STK32B: variants seen among roughly 807,000 people sequenced by gnomAD.
STK32B encodes serine/threonine-protein kinase 32B.
STK32B carries 43 observed loss-of-function variants against 52.6 expected under a neutral mutation model. The observed-to-expected ratio is 0.82, with a 90% CI of 0.64 to 1.05. The LOEUF is 1.05. Among genes scored for constraint, STK32B ranks in the 50% least tolerant of loss-of-function variants. The pLI is 0.00. For missense variants in STK32B, 621 were observed against 534.6 expected, an observed-to-expected ratio of 1.16 and a Z score of -1.59; for synonymous variants, 238 against 204.3, an observed-to-expected ratio of 1.17 and a Z score of -1.41.
At chr4:5,317,355 T>TATAAC (rs1731123522) in intron 3 of STK32B, among the ~76,000 whole-genome samples, 1 of 41,022 alleles carries the variant, frequency 2.4e-5, no homozygotes, top group African/African-American at 1.5e-4. Context: ...ATATATAATA[T>TATAAC]ATATAATGTA....
chr4:5,137,078 C>A (rs184076926), intron 1 of STK32B, among the ~76,000 whole-genome samples: 1 of 152,140 alleles, frequency 6.6e-6, no homozygotes, highest in Non-Finnish European at 1.5e-5. Context: ...ACCATTTATT[C>A]AGTAATTAAC....
intron 6 of STK32B, among the ~76,000 whole-genome samples, chr4:5,439,034 G>C (rs1385930792): frequency 6.6e-6 from 1 of 151,098 alleles, no homozygotes; most frequent in East Asian, 1.9e-4. Flanking sequence ...CCAAGTCTTT[G>C]CTATTGTGAA....
At position 5,395,296 on chromosome 4, in the gene STK32B, C is replaced by A. The variant is rs990074929; in HGVS notation, c.435-2911C>A. ...TGAATTAAGGGGGTGACACCCATCA[C>A]CTTTGTCAGCTTCCATGGCTAGGAC... On this transcript the variant is annotated intron_variant, in intron 4 of 11. Transcript: ENST00000282908. The surrounding 1 kb of genome is among the most constrained non-coding windows in gnomAD (Gnocchi z 4.4). Among the ~76,000 whole-genome samples, 1 of 152,220 alleles carries A rather than the reference C, an allele frequency of 6.6e-6. No homozygotes were observed. The highest frequency in any genetic ancestry group is 1.5e-5 in the Non-Finnish European group (1 of 68,042).
At chr4:5,296,909 C>G (rs1729239892) in intron 3 of STK32B, among the ~76,000 whole-genome samples, 1 of 152,114 alleles carries the variant, frequency 6.6e-6, no homozygotes, top group Non-Finnish European at 1.5e-5. Context: ...TTTGCAGTGG[C>G]TGGTACCTGT....
At chr4:5,054,085 G>A (rs77513956) in intron 1 of STK32B, among the ~76,000 whole-genome samples, 4,564 of 152,222 alleles carry the variant, frequency 0.03, 231 homozygotes, top group African/African-American at 0.1. Context: ...GATTTTGCCA[G>A]TATGTCTCTC....
Position 5,460,612 on chromosome 4 carries a change from G to A in STK32B, c.909+384G>A, listed in dbSNP as rs890840527. On this transcript the variant is annotated intron_variant, in intron 9 of 11. Transcript: ENST00000282908. This position sits in a 1 kb window ranked among gnomAD's most constrained non-coding sequence, Gnocchi z 4.8. ...CAGTCAGCACTTGTTGCACAAGCTC[G>A]GAAGAGGGAGAGGTGGGATGGGAGG... 6.6e-6 allele frequency among the ~76,000 whole-genome samples: 1 copy of A among 152,320 alleles called. No individual in the cohort carries two copies. Among genetic ancestry groups the A allele is most frequent in the Middle Eastern group, 3.4e-3 (1 of 294 alleles).
intron 3 of STK32B, among the ~76,000 whole-genome samples, chr4:5,222,721 G>T (rs1488296615): frequency 6.6e-6 from 1 of 152,110 alleles, no homozygotes. Flanking sequence ...ATAATAAAAT[G>T]CAAAAAGAAC....
Position 5,224,627 on chromosome 4 carries a change from A to G in STK32B, c.260+56177A>G, listed in dbSNP as rs1001290201. Among the ~76,000 whole-genome samples, 10 of 152,284 alleles carry G rather than the reference A, an allele frequency of 6.6e-5. No individual in the cohort carries two copies. The East Asian group carries it at 1.9e-3, about 29-fold the overall frequency. On this transcript the variant is annotated intron_variant, in intron 3 of 11. Transcript: ENST00000282908. ...GTGGTTTTCCCAGGAGAGCTTGCTA[A>G]TAGCTACTGTCAGACGAATCTCAGG...
In STK32B at chr4:5,051,852, C is replaced by G. The variant is rs1330404017; in HGVS notation, c.-12C>G. ...GCGGCCGGGCATGTAGCAGCGGCAG[C>G]AACGGCGGAATATGGGCGGGAACCA... On this transcript the variant is annotated 5_prime_UTR_variant, in exon 1 of 12. Coordinates refer to ENST00000282908, the MANE Select transcript of STK32B (RefSeq NM_018401.3). 6.3e-7 allele frequency: 1 copy of G among 1,595,002 alleles called. No individual in the cohort carries two copies. The highest frequency in any genetic ancestry group is 1.1e-5 in the South Asian group (1 of 87,680).
At chr4:5,300,301 T>C (rs1729474570) in intron 3 of STK32B, among the ~76,000 whole-genome samples, 1 of 152,162 alleles carries the variant, frequency 6.6e-6, no homozygotes, top group Non-Finnish European at 1.5e-5. Flanking sequence ...AGGAGCAGTC[T>C]ATGACAAATC....
chr4:5,025,579 C>T, the STK32B span, among the ~76,000 whole-genome samples: 2 of 152,180 alleles, frequency 1.3e-5, no homozygotes, highest in African/African-American at 4.8e-5. Flanking sequence ...GAAAGTCCCC[C>T]AGCAGGATCA....
At chr4:5,044,003 A>G in the STK32B span, among the ~76,000 whole-genome samples, 2 of 152,158 alleles carry the variant, frequency 1.3e-5, no homozygotes, top group African/African-American at 2.4e-5. Context: ...AGTTGTCTTC[A>G]TGGCCAATAA....
intron 3 of STK32B, among the ~76,000 whole-genome samples, chr4:5,326,508 CCT>C (rs1247661077): frequency 2.0e-5 from 3 of 152,268 alleles, no homozygotes; most frequent in Non-Finnish European, 4.4e-5. Flanking sequence ...GCCCTGCTTC[CCT>C]CTCTGCAGGT....
At chr4:5,201,181 T>C (rs995319108) in intron 3 of STK32B, among the ~76,000 whole-genome samples, 1 of 152,162 alleles carries the variant, frequency 6.6e-6, no homozygotes, top group African/African-American at 2.4e-5. Flanking sequence ...GAGAGATCAA[T>C]TATGTTCTTA....
chr4:5,319,569 G>A (rs530329422), intron 3 of STK32B, among the ~76,000 whole-genome samples: 9 of 136,090 alleles, frequency 6.6e-5, no homozygotes, highest in South Asian at 4.4e-4. Context: ...TCTCCAGCAC[G>A]CACCCAGGCA....
chr4:5,237,167 T>G (rs1000322342), intron 3 of STK32B, among the ~76,000 whole-genome samples: 2 of 152,138 alleles, frequency 1.3e-5, no homozygotes, highest in African/African-American at 4.8e-5. Flanking sequence ...CCCCTGAAAG[T>G]CCTGAAAAGG....
chr4:5,151,857 C>T (rs1717392200), intron 2 of STK32B, among the ~76,000 whole-genome samples: 1 of 152,130 alleles, frequency 6.6e-6, no homozygotes, highest in South Asian at 2.1e-4. Flanking sequence ...CTCCAGCATG[C>T]TTTTGGATCC....
intron 4 of STK32B, among the ~76,000 whole-genome samples, chr4:5,368,291 A>G (rs1436907292): frequency 2.0e-5 from 3 of 151,046 alleles, no homozygotes; most frequent in Admixed American, 6.6e-5. Context: ...TAGGTCTACT[A>G]TTATTCCTAA....
intron 4 of STK32B, among the ~76,000 whole-genome samples, chr4:5,350,629 C>T (rs1733764664): frequency 6.6e-6 from 1 of 151,896 alleles, no homozygotes; most frequent in African/African-American, 2.4e-5. Flanking sequence ...AGGAATATAC[C>T]CTCACATATC....
Sources: allele counts gnomAD v4.1 joint callset (sites outside exome capture counted in the v4.1 genomes callset), GRCh38; gene constraint gnomAD v4.1.1; non-coding constraint Gnocchi (gnomAD v3.1); transcripts MANE v1.5; gene names NCBI Gene and HGNC (gene_info 2026-07-23, HGNC 2026-07-21).